ASIC2: variants seen among roughly 807,000 people sequenced by gnomAD.
The protein encoded by ASIC2 is acid sensing ion channel subunit 2.
In ASIC2, 25 loss-of-function variants were observed where a neutral mutation model predicts 57.3. The ratio of observed to expected loss-of-function variants is 0.44; its 90% confidence interval spans 0.32 to 0.61. ASIC2 has a LOEUF of 0.61. Ranked by LOEUF, ASIC2 falls within the 20% of genes least tolerant of loss-of-function variation. ASIC2 has a pLI of 0.06. For missense variants in ASIC2, 641 were observed against 738.1 expected, an observed-to-expected ratio of 0.87 and a Z score of 1.52; for synonymous variants, 319 against 307.5, an observed-to-expected ratio of 1.04 and a Z score of -0.39.
In ASIC2 at chr17:33,013,869, A is replaced by G; in HGVS notation, c.*96T>C. ...GCATAGGGGGCTCTTGCTTCTTTCC[A>G]GCACTGGGGCCATCCCACCTGAGCT... On this transcript the variant is annotated 3_prime_UTR_variant, in exon 10 of 10. Transcript: ENST00000225823. 8.9e-7 allele frequency: 1 copy of G among 1,127,362 alleles called. No homozygotes were observed. The highest frequency in any genetic ancestry group is 1.3e-6 in the Non-Finnish European group (1 of 763,872). The allele number at this position is 1,127,362 out of a possible 1,614,324, so 69.8% of individuals were successfully genotyped here. A position where few individuals can be genotyped will look rare whatever the true frequency, so the allele number is the denominator to read the frequency against.
At chr17:33,708,605 G>C (rs1020737080) in intron 1 of ASIC2, among the ~76,000 whole-genome samples, 1 of 152,070 alleles carries the variant, frequency 6.6e-6, no homozygotes, top group African/African-American at 2.4e-5. Flanking sequence ...CCAAGTGCAG[G>C]TATGTGGCTA....
In ASIC2 at chr17:33,072,101, C is replaced by T. The variant is rs183464268; in HGVS notation, c.987+16762G>A. Among the ~76,000 whole-genome samples, 371 of 152,212 alleles carry T rather than the reference C, an allele frequency of 2.4e-3. 3 individuals are homozygous for T. Among genetic ancestry groups the T allele is most frequent in the Non-Finnish European group, 4.1e-3 (281 of 68,012 alleles). ...TCTGTCCTGTGAACTCTGGTTGTCT[C>T]GGTCTTTCTGGACTCATAGCTCTGT... On this transcript the variant is annotated intron_variant, in intron 3 of 9. Coordinates refer to ENST00000225823, the MANE Select transcript of ASIC2 (RefSeq NM_183377.2).
At chr17:33,113,301 A>G (rs1328091465) in intron 1 of ASIC2, among the ~76,000 whole-genome samples, 1 of 152,158 alleles carries the variant, frequency 6.6e-6, no homozygotes, top group African/African-American at 2.4e-5. Flanking sequence ...AAGGTTATTG[A>G]GAGGATCAAA....
At chr17:33,503,899 T>C (rs1261399965) in intron 1 of ASIC2, among the ~76,000 whole-genome samples, 1 of 152,142 alleles carries the variant, frequency 6.6e-6, no homozygotes, top group Non-Finnish European at 1.5e-5. Flanking sequence ...ACACCCATAA[T>C]ATTGATCTGA....
intron 1 of ASIC2, among the ~76,000 whole-genome samples, chr17:33,762,314 C>A (rs1228317963): frequency 6.6e-6 from 1 of 152,164 alleles, no homozygotes; most frequent in African/African-American, 2.4e-5. Flanking sequence ...TCAGGGATTA[C>A]AGCTCATACC....
At chr17:33,574,253 T>C (rs1310052715) in intron 1 of ASIC2, among the ~76,000 whole-genome samples, 1 of 152,210 alleles carries the variant, frequency 6.6e-6, no homozygotes, top group Non-Finnish European at 1.5e-5. Context: ...GGTGGGAAAA[T>C]GGCCTTTGCT....
chr17:33,804,325 A>T (rs1190183132), intron 1 of ASIC2, among the ~76,000 whole-genome samples: 1 of 152,214 alleles, frequency 6.6e-6, no homozygotes, highest in Non-Finnish European at 1.5e-5. Context: ...CAGATATTTA[A>T]AACTCTGCTC....
At chr17:33,243,980 C>A (rs546550592) in intron 1 of ASIC2, among the ~76,000 whole-genome samples, 1 of 152,282 alleles carries the variant, frequency 6.6e-6, no homozygotes, top group African/African-American at 2.4e-5. Flanking sequence ...CTTTTTCAAT[C>A]CTGGGATGAA....
intron 1 of ASIC2, among the ~76,000 whole-genome samples, chr17:34,040,911 G>A (rs1355263117): frequency 6.6e-6 from 1 of 152,130 alleles, no homozygotes; most frequent in African/African-American, 2.4e-5. Flanking sequence ...AGCTATTACC[G>A]TTTTGATCAT....
At chr17:33,653,743 A>G (rs1906994387) in intron 1 of ASIC2, among the ~76,000 whole-genome samples, 1 of 152,222 alleles carries the variant, frequency 6.6e-6, no homozygotes, top group Non-Finnish European at 1.5e-5. Context: ...AGAACTTGTG[A>G]TATAGAAGAA....
intron 1 of ASIC2, among the ~76,000 whole-genome samples, chr17:33,126,138 G>C (rs1479049495): frequency 2.0e-5 from 3 of 152,184 alleles, no homozygotes; most frequent in African/African-American, 2.4e-5. Context: ...TACAGATGAG[G>C]AAATTGGGGT....
chr17:33,282,480 TG>T (rs2142170690), intron 1 of ASIC2, among the ~76,000 whole-genome samples: 1 of 18,478 alleles, frequency 5.4e-5, no homozygotes, highest in African/African-American at 2.1e-4. Flanking sequence ...TGTGTGCTTG[TG>T]TGTGTGTGTG....
At chr17:33,701,758 C>T (rs1446680523) in intron 1 of ASIC2, among the ~76,000 whole-genome samples, 3 of 152,208 alleles carry the variant, frequency 2.0e-5, no homozygotes. Context: ...ATTTGCAAGT[C>T]ACTTAATCGG....
rs577804001 is a variant in ASIC2, at chr17:33,336,581, G to A, written c.556-224514C>T. ...TCCCCAGTCCCCTGTTGATCCTCAC[G>A]ACAGCTGTGTGGGGAGGGTATCGTT... On this transcript the variant is annotated intron_variant, in intron 1 of 9. Coordinates refer to the ASIC2 transcript ENST00000359872. Among the ~76,000 whole-genome samples, 47 of 152,218 alleles carry A rather than the reference G, an allele frequency of 3.1e-4. 2 individuals are homozygous for A. Among genetic ancestry groups the A allele is most frequent in the African/African-American group, 9.9e-4 (41 of 41,530 alleles).
chr17:33,524,328 A>G (rs1028506409), intron 1 of ASIC2, among the ~76,000 whole-genome samples: 4 of 152,208 alleles, frequency 2.6e-5, no homozygotes, highest in African/African-American at 2.4e-5. Context: ...CCCATTTCAC[A>G]GAGGAGGAAA....
At chr17:33,296,308 G>A (rs9915774), upstream of ASIC2, among the ~76,000 whole-genome samples, 28,494 of 152,018 alleles carry the variant, frequency 0.19, 2,832 homozygotes, top group East Asian at 0.4. Flanking sequence ...CCAGTCAGGA[G>A]AGCAGGCTTT....
intron 1 of ASIC2, chr17:34,070,670 C>T (rs1030882757): frequency 6.6e-6 from 1 of 152,276 alleles, no homozygotes; most frequent in Admixed American, 6.5e-5. Flanking sequence ...GCTGACCACT[C>T]TCTCCCACCC....
At chr17:33,201,031 G>T (rs1460784240) in intron 1 of ASIC2, among the ~76,000 whole-genome samples, 1 of 152,066 alleles carries the variant, frequency 6.6e-6, no homozygotes, top group Admixed American at 6.6e-5. Context: ...GTCTTTCCCA[G>T]ATGCCACCTT....
intron 1 of ASIC2, among the ~76,000 whole-genome samples, chr17:33,728,145 G>A (rs9893177): frequency 0.17 from 26,429 of 151,948 alleles, 2,876 homozygotes; most frequent in African/African-American, 0.31. Flanking sequence ...CCACATCTGC[G>A]ACTTTCTTCT....
Sources: allele counts gnomAD v4.1 joint callset (sites outside exome capture counted in the v4.1 genomes callset), GRCh38; gene constraint gnomAD v4.1.1; transcripts MANE v1.5; gene names NCBI Gene and HGNC (gene_info 2026-07-23, HGNC 2026-07-21).